The following STARD7 variants were observed in gnomAD, a reference collection of about 807,000 sequenced individuals.
STARD7 encodes stAR-related lipid transfer protein 7, mitochondrial.
STARD7 carries 30 observed loss-of-function variants against 45.3 expected under a neutral mutation model. The observed-to-expected ratio is 0.66, with a 90% CI of 0.50 to 0.90. The LOEUF (loss-of-function observed/expected upper bound fraction) is 0.90. Among genes scored for constraint, STARD7 ranks in the 40% least tolerant of loss-of-function variants. The pLI is 0.00. For missense variants in STARD7, 495 were observed against 491.3 expected (o/e 1.01, Z -0.07); for synonymous variants, 199 against 183.0 (o/e 1.09, Z -0.70).
At chr2:96,202,237 G>A (rs942551627) in intron 1 of STARD7, among the ~76,000 whole-genome samples, 4 of 152,152 alleles carry the variant, frequency 2.6e-5, no homozygotes, top group African/African-American at 9.7e-5. Context: ...AAAGGCACAG[G>A]ATCTTGAGGG....
At chr2:96,205,848 A>T (rs563796070) in intron 1 of STARD7, among the ~76,000 whole-genome samples, 8 of 152,334 alleles carry the variant, frequency 5.3e-5, no homozygotes, top group Non-Finnish European at 1.2e-4. Flanking sequence ...AAAAGAAAAA[A>T]AATCCTCAAG....
chr2:96,197,091 T>C lies in STARD7; in HGVS notation c.291-1542A>G, dbSNP rs531250214. ...CAAAATAAAATAAAATAAAATAAAA[T>C]AAAATAAAATAAAATAAAATAAAAT... On this transcript the variant is annotated intron_variant, in intron 1 of 7. Transcript: ENST00000337288. Among the ~76,000 whole-genome samples, 438 of 128,324 alleles carry C rather than the reference T, an allele frequency of 3.4e-3. 9 individuals are homozygous for C. The highest frequency in any genetic ancestry group is 5.2e-3 in the Non-Finnish European group (309 of 58,904). The allele number at this position is 128,324 out of a possible 152,430, so 84.2% of individuals were successfully genotyped here.
chr2:96,194,982 T>A lies in STARD7; in HGVS notation c.525A>T (p.Thr175=), dbSNP rs752172350. The change falls in exon 3 of 8, where the codon ACA becomes ACT. Residue 175 remains threonine (T), a synonymous_variant. Coordinates refer to ENST00000337288, the MANE Select transcript of STARD7 (RefSeq NM_020151.4). ...YRVFGTYTDV[T]PRQFFNVQLD... is the part of the protein sequence containing the mutation. ...CCTGAACATTGAAGAACTGCCGAGG[T>A]GTCACATCTGTGTAGGTTCCAAAAA... is the stretch of plus-strand genomic sequence containing the variant. The A allele has an allele frequency of 6.2e-7, 1 of 1,610,306 alleles. No homozygotes were observed. The highest frequency in any genetic ancestry group is 1.3e-5 in the African/African-American group (1 of 74,844).
At chr2:96,197,032 C>T (rs1183285683) in intron 1 of STARD7, among the ~76,000 whole-genome samples, 3 of 140,570 alleles carry the variant, frequency 2.1e-5, no homozygotes, top group Non-Finnish European at 4.7e-5. Context: ...TGCCATTGCA[C>T]TCTAGCCTGG....
In STARD7 at chr2:96,206,832, A is replaced by G. The variant is rs1239483483; in HGVS notation, c.290+1313T>C. Among the ~76,000 whole-genome samples, 3 of 151,028 alleles carry G rather than the reference A, an allele frequency of 2.0e-5. No homozygotes were observed. The East Asian group carries it at 5.8e-4, about 29-fold the overall frequency. ...AAAAAAAAAAAAAAAAAAGTGGAAC[A>G]CGGACATTTCATCATCAAAAATGAA... On this transcript the variant is annotated intron_variant, in intron 1 of 7. Coordinates refer to ENST00000337288, the MANE Select transcript of STARD7 (RefSeq NM_020151.4).
At chr2:96,199,709 T>C (rs77489868) in intron 1 of STARD7, among the ~76,000 whole-genome samples, 248 of 152,328 alleles carry the variant, frequency 1.6e-3, no homozygotes, top group African/African-American at 5.4e-3. Flanking sequence ...ACAGAAATGG[T>C]GAGAGCAGAA....
At position 96,185,583 on chromosome 2, in the gene STARD7, A is replaced by G. The variant is rs1683022854; in HGVS notation, c.*1147T>C. The G allele has an allele frequency of 6.6e-6, 1 of 152,240 alleles. No homozygotes were observed. The highest frequency in any genetic ancestry group is 1.5e-5 in the Non-Finnish European group (1 of 68,046). 9.4% of individuals were successfully genotyped at this position (152,240 alleles called of 1,614,324 possible). On this transcript the variant is annotated 3_prime_UTR_variant, in exon 8 of 8. Transcript: ENST00000337288. Reference sequence around the variant, plus strand: ...TTTTATTTTGGCTCTGAAGAGAGGAAGAAAAACTTTTTAGAGGAACTTAAT... The same window carrying G: ...TTTTATTTTGGCTCTGAAGAGAGGAGGAAAAACTTTTTAGAGGAACTTAAT...
intron 1 of STARD7, among the ~76,000 whole-genome samples, chr2:96,200,063 T>G (rs1428321118): frequency 6.6e-6 from 1 of 152,178 alleles, no homozygotes; most frequent in Non-Finnish European, 1.5e-5. Flanking sequence ...TTTGTTAGTA[T>G]TTTGTTCAGG....
At chr2:96,192,711 G>A (rs1683143470) in intron 5 of STARD7, among the ~76,000 whole-genome samples, 1 of 152,178 alleles carries the variant, frequency 6.6e-6, no homozygotes, top group Admixed American at 6.5e-5. Context: ...CTTGAGGCCA[G>A]GAGTCCAAGA....
rs116914919 is a variant in STARD7 at position 96,200,419 on chromosome 2, G to C, written c.291-4870C>G. ...AAAACACCACCATATATTGTACTAT[G>C]TATCACTATGTATCATTCAGGGGTA... On this transcript the variant is annotated intron_variant, in intron 1 of 7. Transcript: ENST00000337288. Among the ~76,000 whole-genome samples the C allele has an allele frequency of 1.1e-3, 165 of 152,192 alleles. 3 individuals are homozygous for C. The East Asian group carries it at 0.029, about 26-fold the overall frequency.
At chr2:96,200,548 C>A (rs1433221150) in intron 1 of STARD7, among the ~76,000 whole-genome samples, 3 of 152,076 alleles carry the variant, frequency 2.0e-5, no homozygotes, top group South Asian at 2.1e-4. Flanking sequence ...TACAGAGGAA[C>A]CCTAAGTATA....
chr2:96,198,418 G>A (rs1445951951), intron 1 of STARD7, among the ~76,000 whole-genome samples: 1 of 151,852 alleles, frequency 6.6e-6, no homozygotes, highest in Admixed American at 6.6e-5. Flanking sequence ...GAGCAGATTT[G>A]ATGGATCATG....
intron 6 of STARD7, 197 bp from the exon 7 acceptor site, chr2:96,187,498 T>C (rs1356565443): frequency 7.8e-6 from 4 of 511,558 alleles, no homozygotes; most frequent in African/African-American, 3.9e-5. Flanking sequence ...ATGTTGACCC[T>C]TGGCCAACTT....
intron 1 of STARD7, among the ~76,000 whole-genome samples, chr2:96,199,490 G>C (rs1683273453): frequency 6.6e-6 from 1 of 152,164 alleles, no homozygotes; most frequent in South Asian, 2.1e-4. Context: ...ACATAAACAT[G>C]ACTTCCGTGT....
At chr2:96,201,279 A>G (rs1683299526) in intron 1 of STARD7, among the ~76,000 whole-genome samples, 1 of 152,050 alleles carries the variant, frequency 6.6e-6, no homozygotes, top group Non-Finnish European at 1.5e-5. Context: ...ATTTTTATTA[A>G]AAGATTGCAT....
At chr2:96,201,582 TA>T (rs575624013) in intron 1 of STARD7, among the ~76,000 whole-genome samples, 3,800 of 136,440 alleles carry the variant, frequency 0.028, 69 homozygotes, top group Admixed American at 0.071. Context: ...GTAAGACTCT[TA>T]AAAAAAAAAA....
intron 2 of STARD7, 160 bp downstream of exon 2, chr2:96,195,181 A>G: frequency 1.2e-6 from 1 of 818,740 alleles, no homozygotes; most frequent in Non-Finnish European, 1.9e-6. Context: ...AGCAAAGACA[A>G]CACTGAGACA....
At chr2:96,189,068 ACCT>A (rs1335653617) in intron 6 of STARD7, among the ~76,000 whole-genome samples, 2 of 151,698 alleles carry the variant, frequency 1.3e-5, no homozygotes, top group Non-Finnish European at 2.9e-5. Flanking sequence ...TCCCACCTCA[ACCT>A]CCTGTGTAGC....
At chr2:96,203,501 C>T (rs1432849085) in intron 1 of STARD7, among the ~76,000 whole-genome samples, 1 of 152,132 alleles carries the variant, frequency 6.6e-6, no homozygotes, top group Non-Finnish European at 1.5e-5. Flanking sequence ...GGGGTCCTGC[C>T]CTCAGCATGG....
Sources: allele counts gnomAD v4.1 joint callset (sites outside exome capture counted in the v4.1 genomes callset), GRCh38; gene constraint gnomAD v4.1.1; transcripts MANE v1.5; gene names NCBI Gene and HGNC (gene_info 2026-07-23, HGNC 2026-07-21).